The following YEATS4 variants were observed in gnomAD, a reference collection of about 807,000 sequenced individuals.
YEATS4 encodes YEATS domain-containing protein 4.
Under a neutral mutation model 30.1 loss-of-function variants are expected in YEATS4, and 17 were observed. The observed-to-expected ratio is 0.56, with a 90% CI of 0.39 to 0.85. The LOEUF (loss-of-function observed/expected upper bound fraction) is 0.85, where lower values mean the gene tolerates loss of function less well. Ranked by LOEUF, YEATS4 falls within the 40% of genes least tolerant of loss-of-function variation. The pLI is 0.00. For missense variants in YEATS4, 142 were observed against 268.3 expected (o/e 0.53, Z 3.29); for synonymous variants, 85 against 87.5 (o/e 0.97, Z 0.16).
At chr12:69,392,983 CAT>C (rs1480323735), downstream of YEATS4, among the ~76,000 whole-genome samples, 22 of 152,094 alleles carry the variant, frequency 1.4e-4, no homozygotes, top group African/African-American at 4.3e-4. Context: ...CCATTAATAA[CAT>C]GTAAGAAAAT....
the YEATS4 span, among the ~76,000 whole-genome samples, chr12:69,405,291 A>G: frequency 6.6e-6 from 1 of 152,230 alleles, no homozygotes; most frequent in Non-Finnish European, 1.5e-5. Flanking sequence ...ATACATGTCT[A>G]TGATAAAGTT....
chr12:69,379,369 A>G (rs1875983366), intron 6 of YEATS4, among the ~76,000 whole-genome samples: 1 of 151,330 alleles, frequency 6.6e-6, no homozygotes, highest in Admixed American at 6.6e-5. Context: ...CTCTCTCTCT[A>G]TCTCCTCTTT....
chr12:69,419,215 C>CTTT, the YEATS4 span, among the ~76,000 whole-genome samples: 1 of 116,578 alleles, frequency 8.6e-6, no homozygotes, highest in Non-Finnish European at 1.8e-5. Flanking sequence ...TCCTATTTTA[C>CTTT]TTTTTTTTTT....
At chr12:69,366,823 T>C (rs1422782783) in intron 4 of YEATS4, among the ~76,000 whole-genome samples, 1 of 152,224 alleles carries the variant, frequency 6.6e-6, no homozygotes, top group African/African-American at 2.4e-5. Context: ...TGGACCAGTA[T>C]TTCAGCAAAC....
the YEATS4 span, among the ~76,000 whole-genome samples, chr12:69,420,425 C>A: frequency 1.6e-4 from 25 of 151,832 alleles, no homozygotes; most frequent in African/African-American, 5.6e-4. Context: ...GGGACAGAGG[C>A]AAGATGACAA....
In YEATS4 at chr12:69,360,229, C is replaced by T. The variant is rs1875137935; in HGVS notation, c.51+206C>T. 2.6e-5 allele frequency among the ~76,000 whole-genome samples: 4 copies of T among 152,094 alleles called. No individual in the cohort carries two copies. In the South Asian group the frequency reaches 6.2e-4, roughly 24 times the overall value. On this transcript the variant is annotated intron_variant, in intron 1 of 6. Coordinates refer to ENST00000247843, the MANE Select transcript of YEATS4 (RefSeq NM_006530.4). The stretch of plus-strand genomic sequence containing the variant: ...AACTTCCTCGCGTCACTGCCAACTC[C>T]CACCCCCGCCAAAAAACAAACAGAT...
chr12:69,394,617 G>GTTTGTTTGTT (rs1565684922), downstream of YEATS4, among the ~76,000 whole-genome samples: 2 of 151,322 alleles, frequency 1.3e-5, no homozygotes, highest in African/African-American at 4.9e-5. Context: ...TGGAGATAGT[G>GTTTGTTTGTT]TGTTTGTTTG....
intron 2 of YEATS4, among the ~76,000 whole-genome samples, chr12:69,363,232 A>G (rs1249573272): frequency 1.3e-5 from 2 of 151,848 alleles, no homozygotes; most frequent in Non-Finnish European, 2.9e-5. Flanking sequence ...TGACCTCGTG[A>G]TCCACCCGCC....
At chr12:69,419,438 T>G in the YEATS4 span, among the ~76,000 whole-genome samples, 3 of 152,136 alleles carry the variant, frequency 2.0e-5, no homozygotes, top group East Asian at 5.8e-4. Flanking sequence ...CCCAGGCTGG[T>G]CTTGAACTCG....
chr12:69,371,082 T>G, intron 6 of YEATS4, 107 bp downstream of exon 6: 1 of 1,072,970 alleles, frequency 9.3e-7, no homozygotes, highest in Non-Finnish European at 1.3e-6. Flanking sequence ...TAGGTAAGTT[T>G]TTTAGGTGTT....
chr12:69,378,680 TC>T (rs528999112), intron 6 of YEATS4, among the ~76,000 whole-genome samples: 135 of 152,310 alleles, frequency 8.9e-4, no homozygotes, highest in Middle Eastern at 3.4e-3. Context: ...TAACTTCATC[TC>T]CCCACTTTTA....
At chr12:69,406,199 A>G in the YEATS4 span, among the ~76,000 whole-genome samples, 1 of 152,176 alleles carries the variant, frequency 6.6e-6, no homozygotes, top group East Asian at 1.9e-4. Flanking sequence ...AATATTGTCA[A>G]ATTTCTCTCA....
chr12:69,421,744 T>C, the YEATS4 span, among the ~76,000 whole-genome samples: 1 of 152,230 alleles, frequency 6.6e-6, no homozygotes, highest in East Asian at 1.9e-4. Context: ...GGTGACCACA[T>C]GCCCCACCCA....
At chr12:69,367,029 T>TAA (rs1339992193) in intron 4 of YEATS4, among the ~76,000 whole-genome samples, 1 of 152,192 alleles carries the variant, frequency 6.6e-6, no homozygotes. Flanking sequence ...GACGTAGACT[T>TAA]ACTCTTTTCT....
the YEATS4 span, among the ~76,000 whole-genome samples, chr12:69,421,028 G>T: frequency 6.6e-6 from 1 of 152,026 alleles, no homozygotes; most frequent in East Asian, 1.9e-4. Flanking sequence ...CCACATTTTG[G>T]TTTTTGTTTT....
chr12:69,415,562 AAAAC>A, the YEATS4 span, among the ~76,000 whole-genome samples: 3 of 152,318 alleles, frequency 2.0e-5, no homozygotes, highest in East Asian at 1.9e-4. Flanking sequence ...TCATGTCTTA[AAAAC>A]AAACAAACAG....
At chr12:69,408,132 G>A in the YEATS4 span, among the ~76,000 whole-genome samples, 8 of 152,146 alleles carry the variant, frequency 5.3e-5, no homozygotes, top group African/African-American at 1.7e-4. Flanking sequence ...TATGTGGAGA[G>A]GATCTTGAGT....
chr12:69,408,723 C>T, the YEATS4 span, among the ~76,000 whole-genome samples: 1 of 152,216 alleles, frequency 6.6e-6, no homozygotes, highest in Non-Finnish European at 1.5e-5. Context: ...GGCAGCTCAT[C>T]GCTCCAGCCT....
At chr12:69,421,148 G>A in the YEATS4 span, among the ~76,000 whole-genome samples, 1 of 152,062 alleles carries the variant, frequency 6.6e-6, no homozygotes, top group African/African-American at 2.4e-5. Flanking sequence ...GTGAGCCACA[G>A]CACACAGCTC....
Sources: allele counts gnomAD v4.1 joint callset (sites outside exome capture counted in the v4.1 genomes callset), GRCh38; gene constraint gnomAD v4.1.1; transcripts MANE v1.5; gene names NCBI Gene and HGNC (gene_info 2026-07-23, HGNC 2026-07-21).